The following TCN1 variants were observed in gnomAD, a reference collection of about 807,000 sequenced individuals.
The protein encoded by TCN1 is transcobalamin 1.
TCN1 carries 47 observed loss-of-function variants against 46.3 expected under a neutral mutation model. The observed-to-expected ratio is 1.01, with a 90% CI of 0.80 to 1.29. The LOEUF is 1.29. TCN1 is among the 50% of genes most tolerant of loss of function. The probability of loss-of-function intolerance (pLI) is 0.00; values close to 1 mark genes in which losing one functional copy is unlikely to be tolerated. For synonymous variants in TCN1, 183 were observed against 192.5 expected, an observed-to-expected ratio of 0.95 and a Z score of 0.41; for missense variants, 532 against 511.0, an observed-to-expected ratio of 1.04 and a Z score of -0.40.
At chr11:59,855,281 G>C (rs767304094) in intron 6 of TCN1, among the ~76,000 whole-genome samples, 1 of 152,126 alleles carries the variant, frequency 6.6e-6, no homozygotes, top group Non-Finnish European at 1.5e-5. Context: ...GTTAGGTACT[G>C]TCCTTGTTCC....
intron 7 of TCN1, 42 bp from the exon 8 acceptor site, chr11:59,853,363 C>T: frequency 6.5e-7 from 1 of 1,546,950 alleles, no homozygotes; most frequent in Non-Finnish European, 8.9e-7. Context: ...TTAGAATTGT[C>T]AAAGGAAACC....
At chr11:59,857,493 T>C (rs1302122607) in intron 5 of TCN1, among the ~76,000 whole-genome samples, 1 of 152,196 alleles carries the variant, frequency 6.6e-6, no homozygotes, top group African/African-American at 2.4e-5. Flanking sequence ...CTGTTATGTT[T>C]CCCAAGGACT....
rs1050504229 is a variant in TCN1, at chr11:59,858,957, C to T, written c.747+120G>A. The stretch of plus-strand genomic sequence containing the variant: ...GGCGGAGGTCGCAGTGAGCTGAGCT[C>T]GCACCATTGCAACTCCAGCCTGGGC... On this transcript the variant is annotated intron_variant, in intron 5 of 8. Transcript: ENST00000257264. 6.6e-5 allele frequency: 77 copies of T among 1,161,636 alleles called. 1 individual carries two copies. The highest frequency in any genetic ancestry group is 1.2e-4 in the East Asian group (5 of 42,086). The allele number at this position is 1,161,636 out of a possible 1,614,324, so 72.0% of individuals were successfully genotyped here. A position where few individuals can be genotyped will look rare whatever the true frequency, so the allele number is the denominator to read the frequency against.
intron 1 of TCN1, among the ~76,000 whole-genome samples, chr11:59,865,808 C>T (rs944050467): frequency 6.6e-6 from 1 of 152,056 alleles, no homozygotes; most frequent in Non-Finnish European, 1.5e-5. Context: ...TTTTACAGAA[C>T]CACACAATCT....
In TCN1 at chr11:59,861,901, G is replaced by GA. The variant is rs1853019027; in HGVS notation, c.401-220dup. ...ATTTCTTTCATTTTATAACTGAGGG[G>GA]ACACAGTCTTAAAGAGATTAAGATG... is the stretch of plus-strand genomic sequence containing the variant. On this transcript the variant is annotated intron_variant, in intron 3 of 8. Coordinates refer to ENST00000257264, the MANE Select transcript of TCN1 (RefSeq NM_001062.4). Among the ~76,000 whole-genome samples, 4 of 152,272 alleles carry GA rather than the reference G, an allele frequency of 2.6e-5. No homozygotes were observed. The South Asian group carries it at 6.2e-4, about 24-fold the overall frequency.
In TCN1 at chr11:59,863,997, C is replaced by T. The variant is rs1404721682; in HGVS notation, c.169G>A (p.Val57Ile). The T allele has an allele frequency of 6.2e-7, 1 of 1,613,952 alleles. No homozygotes were observed. The highest frequency in any genetic ancestry group is 1.1e-5 in the South Asian group (1 of 91,084). ...CCAACAAGTTTGAGGGACAACACAA[C>T]ATTGACAGCGCTGGTTCCCCTGTTA... ...NYNRGTSAVN[V>I]VLSLKLVGIQ... The change falls in exon 2 of 9, where the codon GTT becomes ATT. Residue 57 changes from valine to isoleucine, a missense_variant. By Grantham distance (29) the Val-to-Ile change is conservative. Coordinates refer to ENST00000257264, the MANE Select transcript of TCN1 (RefSeq NM_001062.4).
chr11:59,862,854 T>C (rs1487944311), intron 2 of TCN1, 132 bp from the exon 3 acceptor site: 1 of 1,002,270 alleles, frequency 1.0e-6, no homozygotes, highest in Non-Finnish European at 1.5e-6. Flanking sequence ...TGTCGCTTAA[T>C]GATAGGGATA....
rs1381712934 is a variant in TCN1, at chr11:59,854,646, A to C, written c.1121+6T>G. On this transcript the variant is annotated splice_donor_region_variant and intron_variant, in intron 7 of 8. Transcript: ENST00000257264. ...CATCTTAACCTTAGGTTAGGTACAG[A>C]CCTACCCAAATATAGTATCATTCAT... 1 of 1,613,544 alleles carries C rather than the reference A, an allele frequency of 6.2e-7. No individual in the cohort carries two copies. The highest frequency in any genetic ancestry group is 1.7e-5 in the Admixed American group (1 of 60,010).
At chr11:59,860,804 T>C (rs1853007960) in intron 4 of TCN1, among the ~76,000 whole-genome samples, 1 of 152,256 alleles carries the variant, frequency 6.6e-6, no homozygotes, top group African/African-American at 2.4e-5. Context: ...TTCTTTAGCA[T>C]GGGACCTTTC....
At chr11:59,859,910 G>A (rs1014412061) in intron 4 of TCN1, among the ~76,000 whole-genome samples, 3 of 152,334 alleles carry the variant, frequency 2.0e-5, no homozygotes, top group African/African-American at 7.2e-5. Flanking sequence ...TGCCTGAACT[G>A]TCTGAAGCCC....
chr11:59,858,966 G>T, intron 5 of TCN1, 111 bp downstream of exon 5: 3 of 1,270,542 alleles, frequency 2.4e-6, no homozygotes, highest in South Asian at 1.2e-5. Flanking sequence ...TCGCACCATT[G>T]CAACTCCAGC....
At chr11:59,856,152 A>C in intron 5 of TCN1, 94 bp from the exon 6 acceptor site, 1 of 972,148 alleles carries the variant, frequency 1.0e-6, no homozygotes, top group South Asian at 1.4e-5. Context: ...AGCCTTATCT[A>C]TAACTATATA....
At chr11:59,853,406 T>C in intron 7 of TCN1, 85 bp from the exon 8 acceptor site, 1 of 1,157,062 alleles carries the variant, frequency 8.6e-7, no homozygotes, top group Non-Finnish European at 1.3e-6. Flanking sequence ...TTAATGTACC[T>C]GAGAATCACT....
intron 4 of TCN1, 55 bp from the exon 5 acceptor site, chr11:59,859,322 G>A: frequency 6.3e-7 from 1 of 1,592,858 alleles, no homozygotes; most frequent in Middle Eastern, 1.7e-4. Flanking sequence ...GTTTGTCCTG[G>A]GCCGAGAGGT....
At chr11:59,861,714 A>G (rs531913800) in intron 3 of TCN1, 32 bp from the exon 4 acceptor site, 1 of 1,608,982 alleles carries the variant, frequency 6.2e-7, no homozygotes, top group African/African-American at 1.3e-5. Flanking sequence ...TCCCTTAATC[A>G]TGGAAGTGGT....
At position 59,861,535 on chromosome 11, in the gene TCN1, A is replaced by T. The variant is rs1180081895; in HGVS notation, c.548T>A (p.Phe183Tyr). The T allele has an allele frequency of 1.2e-6, 2 of 1,614,048 alleles. No individual in the cohort carries two copies. Among genetic ancestry groups the T allele is most frequent in the East Asian group, 4.5e-5 (2 of 44,876 alleles). The change falls in exon 4 of 9, where the codon TTC becomes TAC. Residue 183 changes from phenylalanine (F) to tyrosine (Y), a missense_variant. Coordinates refer to ENST00000257264, the MANE Select transcript of TCN1 (RefSeq NM_001062.4). ...ENKNYYFGSQ[F>Y]SVDTGAMAVL... ...TGGGCTTAGTAACTCACCTACTGAG[A>T]ACTGGCTACCAAAATAATAGTTTTT...
Position 59,866,423 on chromosome 11 carries a change from A to G in TCN1, c.48T>C (p.Ser16=). Residue 16 remains serine (S), a synonymous_variant, in exon 1 of 9, where the codon TCT becomes TCC. Coordinates refer to ENST00000257264, the MANE Select transcript of TCN1 (RefSeq NM_001062.4). ...QLPLVGLLLF[S]FIPSQLCEIC... ...TCTCGCATAGTTGGCTTGGAATAAA[A>G]GAAAACAGTAAGAGCCCCACTAGGG... 6.2e-7 allele frequency: 1 copy of G among 1,613,604 alleles called. No homozygotes were observed. The highest frequency in any genetic ancestry group is 1.1e-5 in the South Asian group (1 of 91,072).
At chr11:59,858,041 A>T (rs563936679) in intron 5 of TCN1, among the ~76,000 whole-genome samples, 40 of 152,314 alleles carry the variant, frequency 2.6e-4, no homozygotes, top group Non-Finnish European at 2.9e-4. Flanking sequence ...CTCCTATAAT[A>T]AAGTTCAGTT....
At chr11:59,855,820 G>A in intron 6 of TCN1, 49 bp downstream of exon 6, 1 of 1,598,936 alleles carries the variant, frequency 6.3e-7, no homozygotes, top group Non-Finnish European at 8.6e-7. Context: ...CACATGCTTT[G>A]GGTGCTATGG....
Sources: allele counts gnomAD v4.1 joint callset (sites outside exome capture counted in the v4.1 genomes callset), GRCh38; gene constraint gnomAD v4.1.1; transcripts MANE v1.5; gene names NCBI Gene and HGNC (gene_info 2026-07-23, HGNC 2026-07-21).